GRIK1: variants seen among roughly 807,000 people sequenced by gnomAD.
GRIK1 encodes glutamate ionotropic receptor kainate type subunit 1.
GRIK1 carries 69 observed loss-of-function variants against 105.7 expected under a neutral mutation model. The observed-to-expected ratio is 0.65, with a 90% CI of 0.54 to 0.80. The LOEUF (loss-of-function observed/expected upper bound fraction) is 0.80. Among genes scored for constraint, GRIK1 ranks in the 30% least tolerant of loss-of-function variants. GRIK1 has a pLI of 0.00. For synonymous variants in GRIK1, 438 were observed against 431.3 expected, an observed-to-expected ratio of 1.02 and a Z score of -0.19; for missense variants, 1,109 against 1,167.3, an observed-to-expected ratio of 0.95 and a Z score of 0.73.
chr21:29,537,687 A>G, intron 17 of GRIK1, 111 bp downstream of exon 17: 1 of 780,204 alleles, frequency 1.3e-6, no homozygotes, highest in East Asian at 2.4e-5. Flanking sequence ...CTTTGCTGAG[A>G]CACCAAAATA....
intron 16 of GRIK1, among the ~76,000 whole-genome samples, chr21:29,542,732 T>C (rs2089991485): frequency 6.6e-6 from 1 of 152,240 alleles, no homozygotes; most frequent in African/African-American, 2.4e-5. Flanking sequence ...AGAGAACTGC[T>C]TTGGATGCTT....
intron 1 of GRIK1, among the ~76,000 whole-genome samples, chr21:29,818,990 C>A (rs2067228522): frequency 6.6e-6 from 1 of 151,990 alleles, no homozygotes; most frequent in South Asian, 2.1e-4. Context: ...CCTTAACTGG[C>A]CCTAATATCA....
intron 1 of GRIK1, among the ~76,000 whole-genome samples, chr21:29,921,965 C>A (rs1417200190): frequency 1.3e-5 from 2 of 152,094 alleles, no homozygotes; most frequent in African/African-American, 4.8e-5. Context: ...TGATAGCATC[C>A]TAAAGTAGTC....
At position 29,649,839 on chromosome 21, in the gene GRIK1, C is replaced by T. The variant is rs543539280; in HGVS notation, c.954+1279G>A. On this transcript the variant is annotated intron_variant, in intron 6 of 17. Transcript: ENST00000327783. Reference sequence around the variant, plus strand: ...AACACAGGTAAAAATGATTTGAGATCTCATCCTGTGATTGAAACTTCATTG... The same window carrying T: ...AACACAGGTAAAAATGATTTGAGATTTCATCCTGTGATTGAAACTTCATTG... Among the ~76,000 whole-genome samples, 106 of 152,282 alleles carry T rather than the reference C, an allele frequency of 7.0e-4. 3 individuals are homozygous for T. The South Asian group carries it at 0.021, about 31-fold the overall frequency.
At chr21:29,618,036 T>C (rs965176259) in intron 7 of GRIK1, among the ~76,000 whole-genome samples, 1 of 152,240 alleles carries the variant, frequency 6.6e-6, no homozygotes, top group Non-Finnish European at 1.5e-5. Flanking sequence ...AGGCTTAGGA[T>C]GACCTAGTGT....
chr21:29,852,485 A>G (rs1191467403), intron 1 of GRIK1, among the ~76,000 whole-genome samples: 1 of 152,068 alleles, frequency 6.6e-6, no homozygotes, highest in East Asian at 1.9e-4. Flanking sequence ...TATCAGTTCC[A>G]CTTCCTACCT....
intron 1 of GRIK1, among the ~76,000 whole-genome samples, chr21:29,778,714 A>C (rs572310472): frequency 9.8e-5 from 15 of 152,344 alleles, no homozygotes; most frequent in African/African-American, 3.4e-4. Context: ...GACAAAAATT[A>C]ATCTCTAGTT....
chr21:29,580,045 G>GTGTGTA (rs1568843275), intron 13 of GRIK1, among the ~76,000 whole-genome samples: 1 of 141,988 alleles, frequency 7.0e-6, no homozygotes, highest in Non-Finnish European at 1.5e-5. Context: ...GTGTATATAT[G>GTGTGTA]TATATATGTA....
In GRIK1 at chr21:29,621,448, A is replaced by G. The variant is rs568605106; in HGVS notation, c.1098+21378T>C. 2.0e-3 allele frequency among the ~76,000 whole-genome samples: 303 copies of G among 152,222 alleles called. 1 individual carries two copies. The highest frequency in any genetic ancestry group is 6.9e-3 in the African/African-American group (285 of 41,558). Reference sequence around the variant, plus strand: ...TCTAAAACCTAAAACTCTTTGTTTCATTCTCAATTCAAAATGCAGATGGGC... The same window carrying G: ...TCTAAAACCTAAAACTCTTTGTTTCGTTCTCAATTCAAAATGCAGATGGGC... On this transcript the variant is annotated intron_variant, in intron 7 of 17. Transcript: ENST00000327783.
At chr21:29,734,531 T>C (rs2064735422) in intron 1 of GRIK1, among the ~76,000 whole-genome samples, 2 of 151,832 alleles carry the variant, frequency 1.3e-5, no homozygotes, top group Admixed American at 6.6e-5. Context: ...TCCTGGGTAG[T>C]TGGGACTATA....
At chr21:29,559,383 A>G (rs1209349490) in intron 15 of GRIK1, among the ~76,000 whole-genome samples, 3 of 152,200 alleles carry the variant, frequency 2.0e-5, no homozygotes, top group African/African-American at 7.2e-5. Flanking sequence ...AGCCAGTGCC[A>G]AATGATTCCC....
intron 1 of GRIK1, among the ~76,000 whole-genome samples, chr21:29,882,634 A>T (rs1240475590): frequency 6.6e-6 from 1 of 152,132 alleles, no homozygotes; most frequent in Non-Finnish European, 1.5e-5. Flanking sequence ...TACAAAGGGA[A>T]AAAGCTTATC....
At chr21:29,698,245 T>C (rs2063748739) in intron 1 of GRIK1, among the ~76,000 whole-genome samples, 1 of 152,160 alleles carries the variant, frequency 6.6e-6, no homozygotes, top group Non-Finnish European at 1.5e-5. Flanking sequence ...CCTCTTCCTC[T>C]CTCTGTCTCT....
chr21:29,638,627 C>G (rs899329906), intron 7 of GRIK1, among the ~76,000 whole-genome samples: 3 of 152,156 alleles, frequency 2.0e-5, no homozygotes, highest in Non-Finnish European at 2.9e-5. Flanking sequence ...AATATTTATG[C>G]ATGAGAAAAC....
chr21:29,884,659 C>A (rs1353228564), intron 1 of GRIK1, among the ~76,000 whole-genome samples: 1 of 151,998 alleles, frequency 6.6e-6, no homozygotes, highest in African/African-American at 2.4e-5. Flanking sequence ...CTAGTAATAA[C>A]TGAAAACATA....
chr21:29,668,093 A>G (rs1037523637), intron 4 of GRIK1, among the ~76,000 whole-genome samples: 1 of 152,216 alleles, frequency 6.6e-6, no homozygotes, highest in Non-Finnish European at 1.5e-5. Flanking sequence ...TTCTTGGCTC[A>G]TTCATTCGTT....
At chr21:29,650,847 C>T (rs1336754972) in intron 6 of GRIK1, among the ~76,000 whole-genome samples, 1 of 152,212 alleles carries the variant, frequency 6.6e-6, no homozygotes, top group Admixed American at 6.5e-5. Context: ...ATGCTCTTCA[C>T]TTGTCCTTGC....
chr21:29,687,991 T>C (rs956274761), intron 3 of GRIK1, among the ~76,000 whole-genome samples: 1 of 152,196 alleles, frequency 6.6e-6, no homozygotes, highest in Non-Finnish European at 1.5e-5. Flanking sequence ...TCACAAAATT[T>C]CATGTTTAGC....
intron 12 of GRIK1, among the ~76,000 whole-genome samples, chr21:29,583,917 T>C (rs746741134): frequency 2.0e-5 from 3 of 152,170 alleles, no homozygotes; most frequent in South Asian, 2.1e-4. Flanking sequence ...GATTAATATA[T>C]GACCTACACC....
Sources: gnomAD v4.1 joint callset for allele counts (sites outside exome capture counted in the v4.1 genomes callset) on GRCh38, gnomAD v4.1.1 for gene constraint, MANE v1.5 for transcripts, NCBI Gene and HGNC (gene_info 2026-07-23, HGNC 2026-07-21) for gene names.